The following MAP3K4 variants were observed in gnomAD, a reference collection of about 807,000 sequenced individuals.
MAP3K4 encodes the protein MAP three kinase 1.
Under a neutral mutation model 185.6 loss-of-function variants are expected in MAP3K4, and 67 were observed. The ratio of observed to expected loss-of-function variants is 0.36; its 90% CI spans 0.30 to 0.44. The LOEUF (loss-of-function observed/expected upper bound fraction) is 0.44. Ranked by LOEUF, MAP3K4 falls within the 20% of genes least tolerant of loss-of-function variation. The pLI is 1.00. For missense variants in MAP3K4, 1,551 were observed against 1,995.1 expected, an observed-to-expected ratio of 0.78 and a Z score of 4.24; for synonymous variants, 702 against 710.4, an observed-to-expected ratio of 0.99 and a Z score of 0.19.
intron 17 of MAP3K4, among the ~76,000 whole-genome samples, chr6:161,099,211 T>G (rs1777720417): frequency 6.6e-6 from 1 of 152,204 alleles, no homozygotes; most frequent in South Asian, 2.1e-4. Flanking sequence ...GTATGTGATC[T>G]AAAAAGATCA....
rs1785057185 is a variant in MAP3K4 at position 161,073,873 on chromosome 6, C to A, written c.2097+261C>A. ...CTCTGAAATCCACATTTAAAAAATTCTCAATTGTTTTTAAGTTGGAAGTTT... is the reference window on the plus strand; with the variant it reads ...CTCTGAAATCCACATTTAAAAAATTATCAATTGTTTTTAAGTTGGAAGTTT... On this transcript the variant is annotated intron_variant, in intron 5 of 26. Transcript: ENST00000392142. This position sits in a 1 kb window ranked among gnomAD's most constrained non-coding sequence, Gnocchi z 4.2. 6.6e-6 allele frequency among the ~76,000 whole-genome samples: 1 copy of A among 152,090 alleles called. No individual in the cohort carries two copies. The highest frequency in any genetic ancestry group is 1.5e-5 in the Non-Finnish European group (1 of 68,028).
intron 1 of MAP3K4, among the ~76,000 whole-genome samples, chr6:161,014,341 C>G (rs898538603): frequency 6.6e-6 from 1 of 152,148 alleles, no homozygotes; most frequent in Non-Finnish European, 1.5e-5. Context: ...AATGTAGAAC[C>G]TGTCATAAAA....
chr6:161,026,296 A>AG (rs1782650951), intron 1 of MAP3K4, among the ~76,000 whole-genome samples: 1 of 86,860 alleles, frequency 1.2e-5, no homozygotes, highest in Admixed American at 9.8e-5. Flanking sequence ...ACGCGCAGCT[A>AG]ATTTTTTTTT....
At chr6:161,060,901 C>A (rs911220519) in intron 3 of MAP3K4, among the ~76,000 whole-genome samples, 1 of 151,986 alleles carries the variant, frequency 6.6e-6, no homozygotes, top group Non-Finnish European at 1.5e-5. Flanking sequence ...ATTACAGGCA[C>A]GAGCCACCGC....
rs567282483 is a variant in MAP3K4 at position 161,108,634 on chromosome 6, A to G, written c.4120-109A>G. On this transcript the variant is annotated intron_variant, in intron 21 of 26. Transcript: ENST00000392142. The surrounding 1 kb of genome is among the most constrained non-coding windows in gnomAD (Gnocchi z 5.7). Reference sequence around the variant, plus strand: ...AATTTTTTGTTGTTTTTAATTGACAAATCATGATTACATATATTTATGGGG... The same window carrying G: ...AATTTTTTGTTGTTTTTAATTGACAGATCATGATTACATATATTTATGGGG... 23 of 713,928 alleles carry G rather than the reference A, an allele frequency of 3.2e-5. No individual in the cohort carries two copies. The highest frequency in any genetic ancestry group is 1.6e-4 in the African/African-American group (9 of 56,016). 44.2% of individuals were successfully genotyped at this position (713,928 alleles called of 1,614,324 possible).
Position 161,107,785 on chromosome 6 carries a change from TATAGATATATAAATATACGTCCAAA to T in MAP3K4, c.4049-110_4049-86del. 1.4e-6 allele frequency: 1 copy of T among 729,302 alleles called. No individual in the cohort carries two copies. The highest frequency in any genetic ancestry group is 1.9e-5 in the South Asian group (1 of 51,666). 45.2% of individuals were successfully genotyped at this position (729,302 alleles called of 1,614,324 possible). A position where few individuals can be genotyped will look rare whatever the true frequency, so the allele number is the denominator to read the frequency against. ...AATAGTAAACTGCAGTAAACATAATTATAGATATATAAATATACGTCCAAAATAATTGGACAGTATTATTACAAGT... is the reference window on the plus strand; with the variant it reads ...AATAGTAAACTGCAGTAAACATAATTATAATTGGACAGTATTATTACAAGT... On this transcript the variant is annotated intron_variant, in intron 20 of 26. Coordinates refer to ENST00000392142, the MANE Select transcript of MAP3K4 (RefSeq NM_005922.4). The surrounding 1 kb of genome is among the most constrained non-coding windows in gnomAD (Gnocchi z 6.2).
At chr6:161,045,240 A>G (rs1455440217) in intron 2 of MAP3K4, among the ~76,000 whole-genome samples, 2 of 152,010 alleles carry the variant, frequency 1.3e-5, no homozygotes, top group Non-Finnish European at 2.9e-5. Context: ...GGGGAACAAA[A>G]AGCTTCTCTG....
rs1785619763 is a variant in MAP3K4 at position 161,084,776 on chromosome 6, T to C, written c.2372+159T>C. Among the ~76,000 whole-genome samples, 1 of 152,250 alleles carries C rather than the reference T, an allele frequency of 6.6e-6. No homozygotes were observed. Among genetic ancestry groups the C allele is most frequent in the Admixed American group, 6.5e-5 (1 of 15,292 alleles). On this transcript the variant is annotated intron_variant, in intron 7 of 26. Transcript: ENST00000392142. This position sits in a 1 kb window ranked among gnomAD's most constrained non-coding sequence, Gnocchi z 4.6. ...ATTTATTTATAACTGCCTTGTCTTTTCATGTGATTTCTTAGTTATGGTTTT... is the reference window on the plus strand; with the variant it reads ...ATTTATTTATAACTGCCTTGTCTTTCCATGTGATTTCTTAGTTATGGTTTT...
At position 161,070,230 on chromosome 6, in the gene MAP3K4, G is replaced by GTT. The variant is rs147710859; in HGVS notation, c.1708-372_1708-371dup. On this transcript the variant is annotated intron_variant, in intron 3 of 26. Transcript: ENST00000392142. The surrounding 1 kb of genome is among the most constrained non-coding windows in gnomAD (Gnocchi z 4.5). ...TTTCTCTAATTTCAGTAATTCTCTG[G>GTT]TTTTTTTCCCAGTCTAGAGATAGTT... Among the ~76,000 whole-genome samples the GTT allele has an allele frequency of 6.6e-6, 1 of 151,990 alleles. No homozygotes were observed. Among genetic ancestry groups the GTT allele is most frequent in the Non-Finnish European group, 1.5e-5 (1 of 67,990 alleles).
chr6:161,087,856 C>G lies in MAP3K4; in HGVS notation c.2725C>G (p.Arg909Gly), dbSNP rs140291284. 12 of 1,613,982 alleles carry G rather than the reference C, an allele frequency of 7.4e-6. No individual in the cohort carries two copies. Among genetic ancestry groups the G allele is most frequent in the East Asian group, 2.2e-5 (1 of 44,884 alleles). Residue 909 changes from arginine (R) to glycine (G), a missense_variant, in exon 10 of 27, where the codon CGA becomes GGA. Arg to Gly is a moderately radical substitution (Grantham distance 125, BLOSUM62 -2). Coordinates refer to ENST00000392142, the MANE Select transcript of MAP3K4 (RefSeq NM_005922.4). The surrounding 1 kb of genome is among the most constrained non-coding windows in gnomAD (Gnocchi z 4.9). ...TCTGCTTCTGACCAAGCACGGTGATCGAGCCCGTGATTCAGAGGACAGCTG... is the reference window on the plus strand; with the variant it reads ...TCTGCTTCTGACCAAGCACGGTGATGGAGCCCGTGATTCAGAGGACAGCTG... Reference protein sequence around the residue: ...AYLLLTKHGDRARDSEDSWGT... With the variant: ...AYLLLTKHGDGARDSEDSWGT...
Position 161,073,501 on chromosome 6 carries a change from C to T in MAP3K4, c.1986C>T (p.Gly662=). ...AGTGTAAGGAGGTCCTGAAGGGCGGCCTGCTGATGAAGCAGTACTACCAGT... is the reference window on the plus strand; with the variant it reads ...AGTGTAAGGAGGTCCTGAAGGGCGGTCTGCTGATGAAGCAGTACTACCAGT... The part of the protein sequence containing the change: ...VRECKEVLKG[G]LLMKQYYQFM... Residue 662 remains glycine, a synonymous_variant, in exon 5 of 27, where the codon GGC becomes GGT. Coordinates refer to ENST00000392142, the MANE Select transcript of MAP3K4 (RefSeq NM_005922.4). This position sits in a 1 kb window ranked among gnomAD's most constrained non-coding sequence, Gnocchi z 4.2. The T allele has an allele frequency of 1.2e-6, 2 of 1,612,670 alleles. No individual in the cohort carries two copies. The highest frequency in any genetic ancestry group is 1.7e-6 in the Non-Finnish European group (2 of 1,179,368).
At chr6:161,081,122 T>C (rs929855269) in intron 6 of MAP3K4, 84 bp downstream of exon 6, 1 of 1,435,272 alleles carries the variant, frequency 7.0e-7, no homozygotes, top group African/African-American at 1.4e-5. Flanking sequence ...CCTATGTGTT[T>C]GTATGTTTAG....
At position 161,073,611 on chromosome 6, in the gene MAP3K4, T is replaced by C; in HGVS notation, c.2096T>C (p.Met699Thr). The C allele has an allele frequency of 1.2e-6, 2 of 1,611,128 alleles. No homozygotes were observed. The highest frequency in any genetic ancestry group is 1.7e-6 in the Non-Finnish European group (2 of 1,178,978). The stretch of plus-strand genomic sequence containing the variant: ...GAAGAGGATCTACATAAAATGCTTA[T>C]GGTCAGAAGCAGTGGGGAGGAATTT... ...AFEEDLHKML[M>T]VYFDYMRSWI... Residue 699 changes from methionine to threonine, a missense_variant and splice_region_variant, in exon 5 of 27, where the codon ATG (methionine) becomes ACG (threonine). Around this residue, in one of 16 missense-constraint regions of MAP3K4, gnomAD observed 130 missense variants for 171.3 expected, o/e 0.76. Coordinates refer to ENST00000392142, the MANE Select transcript of MAP3K4 (RefSeq NM_005922.4). This position sits in a 1 kb window ranked among gnomAD's most constrained non-coding sequence, Gnocchi z 4.2.
chr6:161,109,708 T>C lies in MAP3K4; in HGVS notation c.4237-47T>C. On this transcript the variant is annotated intron_variant, in intron 22 of 26. Coordinates refer to ENST00000392142, the MANE Select transcript of MAP3K4 (RefSeq NM_005922.4). This position sits in a 1 kb window ranked among gnomAD's most constrained non-coding sequence, Gnocchi z 5.7. Reference sequence around the variant, plus strand: ...TTTCCAGATTTTTCACTAGCGTACATCTAAGGAAAACCGTAAACACAGAGC... The same window carrying C: ...TTTCCAGATTTTTCACTAGCGTACACCTAAGGAAAACCGTAAACACAGAGC... 1.2e-6 allele frequency: 2 copies of C among 1,607,924 alleles called. No individual in the cohort carries two copies. Among genetic ancestry groups the C allele is most frequent in the Non-Finnish European group, 1.7e-6 (2 of 1,175,108 alleles).
At chr6:161,029,454 C>G (rs1320564873) in intron 1 of MAP3K4, among the ~76,000 whole-genome samples, 1 of 152,206 alleles carries the variant, frequency 6.6e-6, no homozygotes, top group Non-Finnish European at 1.5e-5. Context: ...CTACACCAAA[C>G]TCCCTTGGGT....
intron 3 of MAP3K4, among the ~76,000 whole-genome samples, chr6:161,058,313 C>T (rs1562511683): frequency 6.6e-6 from 1 of 152,178 alleles, no homozygotes; most frequent in South Asian, 2.1e-4. Flanking sequence ...ACACTGGGTC[C>T]ACATTCCCAC....
At chr6:161,113,748 T>C (rs1194385900) in intron 25 of MAP3K4, among the ~76,000 whole-genome samples, 1 of 150,800 alleles carries the variant, frequency 6.6e-6, no homozygotes, top group Non-Finnish European at 1.5e-5. Flanking sequence ...AATTATATAT[T>C]TAAATTGAAA....
intron 4 of MAP3K4, among the ~76,000 whole-genome samples, chr6:161,072,718 C>T (rs1785003785): frequency 6.6e-6 from 1 of 152,062 alleles, no homozygotes; most frequent in Admixed American, 6.5e-5. Flanking sequence ...TGTATGAAAA[C>T]GAATGTGACT....
At chr6:161,062,417 T>C (rs562412874) in intron 3 of MAP3K4, among the ~76,000 whole-genome samples, 1 of 152,202 alleles carries the variant, frequency 6.6e-6, no homozygotes, top group South Asian at 2.1e-4. Context: ...AGATAAAATA[T>C]TTATAATAGA....
Sources: allele counts gnomAD v4.1 joint callset (sites outside exome capture counted in the v4.1 genomes callset), GRCh38; gene constraint gnomAD v4.1.1; regional missense constraint gnomAD v4.1.1; non-coding constraint Gnocchi (gnomAD v3.1); transcripts MANE v1.5; gene names NCBI Gene and HGNC (gene_info 2026-07-23, HGNC 2026-07-21).